The following CASZ1 variants were observed in gnomAD, a reference collection of about 807,000 sequenced individuals.
CASZ1 encodes zinc finger protein castor homolog 1.
In CASZ1, 28 loss-of-function variants were observed where a neutral mutation model predicts 135.2. That is an observed-to-expected ratio of 0.21 (90% CI 0.15 to 0.28). The LOEUF is 0.28. Ranked by LOEUF, CASZ1 falls within the 10% of genes least tolerant of loss-of-function variation. CASZ1 has a pLI of 1.00. For synonymous variants in CASZ1, 1,068 were observed against 1,073.4 expected (o/e 0.99, Z 0.10); for missense variants, 2,161 against 2,453.3 (o/e 0.88, Z 2.52).
intron 4 of CASZ1, among the ~76,000 whole-genome samples, chr1:10,678,077 T>C (rs1031731870): frequency 2.0e-5 from 3 of 152,026 alleles, no homozygotes; most frequent in African/African-American, 7.3e-5. Flanking sequence ...GGGCAGGCGC[T>C]CTCTGGGGAT....
rs1333116418 is a variant in CASZ1, at chr1:10,646,925, G to T, written c.3498-599C>A. Among the ~76,000 whole-genome samples the T allele has an allele frequency of 6.6e-6, 1 of 152,206 alleles. No individual in the cohort carries two copies. The highest frequency in any genetic ancestry group is 1.9e-4 in the East Asian group (1 of 5,188). The stretch of plus-strand genomic sequence containing the variant: ...TGCCGGCGGAGTGGGAGAGCTGCTG[G>T]GGCAGAGCGGGTGTGCTGGCCTGCC... On this transcript the variant is annotated intron_variant, in intron 16 of 20. Coordinates refer to ENST00000377022, the MANE Select transcript of CASZ1 (RefSeq NM_001079843.3). This position sits in a 1 kb window ranked among gnomAD's most constrained non-coding sequence, Gnocchi z 6.4.
chr1:10,661,310 C>T (rs933718411), intron 5 of CASZ1: 17 of 152,334 alleles, frequency 1.1e-4, no homozygotes, highest in African/African-American at 4.1e-4. Context: ...CTGAGTGCAG[C>T]CTCCTTACTG....
intron 2 of CASZ1, among the ~76,000 whole-genome samples, chr1:10,753,954 G>A (rs1344894437): frequency 6.6e-6 from 1 of 152,122 alleles, no homozygotes; most frequent in Non-Finnish European, 1.5e-5. Flanking sequence ...CGGGATCTGA[G>A]GGCCCCCCAC....
intron 7 of CASZ1, 115 bp downstream of exon 7, chr1:10,658,392 GA>G: frequency 1.3e-6 from 1 of 791,014 alleles, no homozygotes; most frequent in South Asian, 1.6e-5. Context: ...ATGGGGATGG[GA>G]GGAGGCAGCT....
intron 1 of CASZ1, among the ~76,000 whole-genome samples, chr1:10,781,315 C>A (rs1640758831): frequency 6.6e-6 from 1 of 152,224 alleles, no homozygotes. Context: ...TTGGCAGCTA[C>A]CCTCTGGGAA....
rs542808780 is a variant in CASZ1, at chr1:10,721,522, C to T, written c.-76-15978G>A. Among the ~76,000 whole-genome samples, 11 of 152,276 alleles carry T rather than the reference C, an allele frequency of 7.2e-5. No individual in the cohort carries two copies. The South Asian group carries it at 8.3e-4, about 11-fold the overall frequency. Reference sequence around the variant, plus strand: ...ATTTTCATAGGATCTCCTCCATTCCCGGCTCGCAGGGAGCTTGAAACCAGG... The same window carrying T: ...ATTTTCATAGGATCTCCTCCATTCCTGGCTCGCAGGGAGCTTGAAACCAGG... On this transcript the variant is annotated intron_variant, in intron 2 of 20. Transcript: ENST00000377022. The surrounding 1 kb of genome is among the most constrained non-coding windows in gnomAD (Gnocchi z 5.4).
Position 10,774,715 on chromosome 1 carries a change from G to A in CASZ1, c.-233-13858C>T, listed in dbSNP as rs941657161. Among the ~76,000 whole-genome samples, 1 of 152,112 alleles carries A rather than the reference G, an allele frequency of 6.6e-6. No homozygotes were observed. The highest frequency in any genetic ancestry group is 1.5e-5 in the Non-Finnish European group (1 of 68,022). ...ACGCGGACCCCTCTCTTCCCCAAGT[G>A]TGACCCTGTAGGCCTAGAGGAACCA... On this transcript the variant is annotated intron_variant, in intron 1 of 20. Coordinates refer to ENST00000377022, the MANE Select transcript of CASZ1 (RefSeq NM_001079843.3). The surrounding 1 kb of genome is among the most constrained non-coding windows in gnomAD (Gnocchi z 4.4).
At chr1:10,722,289 T>C (rs558948375) in intron 2 of CASZ1, among the ~76,000 whole-genome samples, 2 of 152,296 alleles carry the variant, frequency 1.3e-5, no homozygotes, top group South Asian at 4.1e-4. Context: ...AAGGGGGAAC[T>C]GGAGAGGAAA....
chr1:10,726,942 G>T lies in CASZ1; in HGVS notation c.-76-21398C>A, dbSNP rs1639608775. 6.6e-6 allele frequency among the ~76,000 whole-genome samples: 1 copy of T among 152,186 alleles called. No individual in the cohort carries two copies. Among genetic ancestry groups the T allele is most frequent in the Admixed American group, 6.5e-5 (1 of 15,284 alleles). On this transcript the variant is annotated intron_variant, in intron 2 of 20. Coordinates refer to ENST00000377022, the MANE Select transcript of CASZ1 (RefSeq NM_001079843.3). This position sits in a 1 kb window ranked among gnomAD's most constrained non-coding sequence, Gnocchi z 5.7. ...AGGTGTCAGGTAAATAGCACCATGTGGGGCTTCCTGGCCAGTTTCTCTATC... is the reference window on the plus strand; with the variant it reads ...AGGTGTCAGGTAAATAGCACCATGTTGGGCTTCCTGGCCAGTTTCTCTATC...
Position 10,647,441 on chromosome 1 carries a change from G to T in CASZ1, c.3497+360C>A. The T allele has an allele frequency of 2.5e-6, 3 of 1,177,818 alleles. No homozygotes were observed. The highest frequency in any genetic ancestry group is 3.7e-5 in the South Asian group (2 of 54,072). 73.0% of individuals were successfully genotyped at this position (1,177,818 alleles called of 1,614,324 possible). On this transcript the variant is annotated intron_variant, in intron 16 of 20. Transcript: ENST00000377022. The surrounding 1 kb of genome is among the most constrained non-coding windows in gnomAD (Gnocchi z 4.9). Reference sequence around the variant, plus strand: ...GCCATGGGTGTGAGCCACAGAGGAGGCCAATACGGAGGCTCGGAGGGAGAC... The same window carrying T: ...GCCATGGGTGTGAGCCACAGAGGAGTCCAATACGGAGGCTCGGAGGGAGAC...
At position 10,695,682 on chromosome 1, in the gene CASZ1, G is replaced by A. The variant is rs575730203; in HGVS notation, c.-23-1770C>T. ...GCCAGCCAGGCGCTTTGTGCTGCCC[G>A]TGCTCCTCTTTCTTTTCTGCCAGAG... is the stretch of plus-strand genomic sequence containing the variant. On this transcript the variant is annotated intron_variant, in intron 3 of 20. Transcript: ENST00000377022. Among the ~76,000 whole-genome samples, 38 of 151,692 alleles carry A rather than the reference G, an allele frequency of 2.5e-4. 1 individual carries two copies. The East Asian group carries it at 5.5e-3, about 22-fold the overall frequency.
At chr1:10,775,454 C>A (rs554590203) in intron 1 of CASZ1, among the ~76,000 whole-genome samples, 3 of 151,940 alleles carry the variant, frequency 2.0e-5, no homozygotes, top group Non-Finnish European at 4.4e-5. Flanking sequence ...TGAAGGCATG[C>A]GGGGGGATTG....
intron 17 of CASZ1, among the ~76,000 whole-genome samples, chr1:10,645,875 C>A (rs759836945): frequency 1.3e-5 from 2 of 152,148 alleles, no homozygotes; most frequent in South Asian, 4.1e-4. Context: ...GTCAAGGGCA[C>A]GGTGGCTGCC....
In CASZ1 at chr1:10,653,775, C is replaced by G; in HGVS notation, c.2282G>C (p.Gly761Ala). The change falls in exon 11 of 21, where the codon GGG (glycine) becomes GCG (alanine). Residue 761 changes from glycine to alanine, a missense_variant. Gly to Ala is a moderately conservative substitution (Grantham distance 60). This residue lies in a region of CASZ1 where 406 missense variants were observed against 387.6 expected (regional missense o/e 1.05). Transcript: ENST00000377022. ...GTTGGGAGGTTTGGTGGCACTGGGC[C>G]CAGCCTCGGTGGCGGCAGTGGCGGC... ...LAAATAATEAGPSATKPPNSK... is the reference protein window; with the variant it reads ...LAAATAATEAAPSATKPPNSK... 2.5e-6 allele frequency: 4 copies of G among 1,610,964 alleles called. No individual in the cohort carries two copies. Among genetic ancestry groups the G allele is most frequent in the Non-Finnish European group, 3.4e-6 (4 of 1,178,430 alleles).
At chr1:10,693,106 G>A (rs1638818861) in intron 4 of CASZ1, among the ~76,000 whole-genome samples, 3 of 152,058 alleles carry the variant, frequency 2.0e-5, no homozygotes, top group Admixed American at 2.0e-4. Flanking sequence ...TGAGCACCAG[G>A]CCTCCTGGAG....
rs146068096 is a variant in CASZ1 at position 10,747,965 on chromosome 1, C to T, written c.-77+12736G>A. ...CTAAGTAGCTGGGACTAGAGGCACC[C>T]GCCACCACGCCCGGCTAAGTTTTTT... On this transcript the variant is annotated intron_variant, in intron 2 of 20. Coordinates refer to ENST00000377022, the MANE Select transcript of CASZ1 (RefSeq NM_001079843.3). This position sits in a 1 kb window ranked among gnomAD's most constrained non-coding sequence, Gnocchi z 4.3. Among the ~76,000 whole-genome samples the T allele has an allele frequency of 0.025, 3,792 of 152,184 alleles. 153 individuals carry two copies. Among genetic ancestry groups the T allele is most frequent in the African/African-American group, 0.086 (3,562 of 41,486 alleles).
chr1:10,644,781 C>G (rs899684007), intron 18 of CASZ1, 136 bp downstream of exon 18: 5 of 883,390 alleles, frequency 5.7e-6, no homozygotes, highest in East Asian at 2.5e-5. Flanking sequence ...CCCGTGATAT[C>G]TGGGACACCT....
At chr1:10,743,446 C>T (rs1374938184) in intron 2 of CASZ1, among the ~76,000 whole-genome samples, 1 of 152,002 alleles carries the variant, frequency 6.6e-6, no homozygotes, top group Non-Finnish European at 1.5e-5. Context: ...CCTGGGCCTC[C>T]ACCGAGAACC....
intron 2 of CASZ1, among the ~76,000 whole-genome samples, chr1:10,736,238 A>G (rs1017719475): frequency 9.2e-5 from 14 of 152,218 alleles, no homozygotes; most frequent in Middle Eastern, 3.4e-3. Flanking sequence ...TCAGAATCGC[A>G]CCTGCCTCCC....
Sources: gnomAD v4.1 joint callset for allele counts (sites outside exome capture counted in the v4.1 genomes callset) on GRCh38, gnomAD v4.1.1 for gene constraint, gnomAD v4.1.1 regional missense constraint, Gnocchi (gnomAD v3.1) non-coding constraint, MANE v1.5 for transcripts, NCBI Gene and HGNC (gene_info 2026-07-23, HGNC 2026-07-21) for gene names.